Variants in TMEM132C observed in about 807,000 individuals in gnomAD.
TMEM132C encodes transmembrane protein 132C, also known as protein phosphatase 1, regulatory subunit 152.
A neutral mutation model predicts 61.4 loss-of-function variants in TMEM132C; 29 were observed. That is an observed-to-expected ratio of 0.47 (90% confidence interval 0.35 to 0.64). TMEM132C has a LOEUF of 0.64. Ranked by LOEUF, TMEM132C falls within the 30% of genes least tolerant of loss-of-function variation. The pLI is 0.00. For missense variants in TMEM132C, 1,408 were observed against 1,476.9 expected (o/e 0.95, Z 0.76); for synonymous variants, 656 against 633.1 (o/e 1.04, Z -0.54).
At chr12:128,271,272 TAATAATAATA>T (rs1566037276) in intron 1 of TMEM132C, among the ~76,000 whole-genome samples, 1,016 of 31,924 alleles carry the variant, frequency 0.032, 14 homozygotes, top group African/African-American at 0.2. Flanking sequence ...AATAATATAA[TAATAATAATA>T]ATAATAATAA....
At chr12:128,575,415 G>T (rs1249811577) in intron 3 of TMEM132C, among the ~76,000 whole-genome samples, 1 of 152,060 alleles carries the variant, frequency 6.6e-6, no homozygotes, top group Non-Finnish European at 1.5e-5. Context: ...GGAGGTGGAG[G>T]TTGCAGTGGG....
At chr12:128,283,542 C>G (rs1870964361) in intron 1 of TMEM132C, among the ~76,000 whole-genome samples, 2 of 152,092 alleles carry the variant, frequency 1.3e-5, no homozygotes, top group South Asian at 2.1e-4. Context: ...CTCTCTCTCT[C>G]TCTCCCTCTG....
At chr12:128,544,677 C>G (rs1244646826) in intron 3 of TMEM132C, among the ~76,000 whole-genome samples, 7 of 152,206 alleles carry the variant, frequency 4.6e-5, no homozygotes, top group Admixed American at 2.6e-4. Flanking sequence ...CCTTCCTACT[C>G]AAGGGTAACC....
intron 2 of TMEM132C, among the ~76,000 whole-genome samples, chr12:128,465,110 T>C (rs73440667): frequency 1.3e-5 from 2 of 152,088 alleles, no homozygotes; most frequent in African/African-American, 4.8e-5. Context: ...CAGAGTTCTG[T>C]GTCTTCTGTC....
At chr12:128,647,540 G>A (rs1954217526) in intron 4 of TMEM132C, among the ~76,000 whole-genome samples, 2 of 152,000 alleles carry the variant, frequency 1.3e-5, no homozygotes, top group Admixed American at 1.3e-4. Context: ...GGGTCCATCA[G>A]CGTTTGATGT....
At chr12:128,614,131 C>T (rs1331707704) in intron 3 of TMEM132C, among the ~76,000 whole-genome samples, 1 of 152,206 alleles carries the variant, frequency 6.6e-6, no homozygotes, top group Non-Finnish European at 1.5e-5. Flanking sequence ...CCATGCTCTT[C>T]CTTCTTGTTT....
chr12:128,650,021 TG>T (rs1268883888), intron 4 of TMEM132C, among the ~76,000 whole-genome samples: 2 of 152,184 alleles, frequency 1.3e-5, no homozygotes, highest in Non-Finnish European at 2.9e-5. Context: ...CCAGCAGAGC[TG>T]TTAGCTATGT....
intron 4 of TMEM132C, among the ~76,000 whole-genome samples, chr12:128,640,657 A>G (rs1954150809): frequency 6.6e-6 from 1 of 152,242 alleles, no homozygotes; most frequent in Non-Finnish European, 1.5e-5. Context: ...ACACTTTGGG[A>G]GGCGGAGGCG....
At chr12:128,530,462 T>A (rs1258548533) in intron 2 of TMEM132C, among the ~76,000 whole-genome samples, 1 of 151,588 alleles carries the variant, frequency 6.6e-6, no homozygotes, top group Non-Finnish European at 1.5e-5. Flanking sequence ...TTTTTTTTTT[T>A]AAACGGAGTC....
chr12:128,638,575 CATTG>C (rs1954120167), intron 4 of TMEM132C, among the ~76,000 whole-genome samples: 1 of 152,148 alleles, frequency 6.6e-6, no homozygotes, highest in African/African-American at 2.4e-5. Flanking sequence ...CGGGTGAGGG[CATTG>C]AGGCCTGAAG....
intron 4 of TMEM132C, among the ~76,000 whole-genome samples, chr12:128,636,958 G>A (rs1447655594): frequency 6.6e-6 from 1 of 152,036 alleles, no homozygotes; most frequent in African/African-American, 2.4e-5. Context: ...TTATGACTGA[G>A]TAATATTCTA....
intron 3 of TMEM132C, among the ~76,000 whole-genome samples, chr12:128,595,336 C>T (rs1477229064): frequency 6.6e-6 from 1 of 152,158 alleles, no homozygotes; most frequent in Admixed American, 6.5e-5. Context: ...AGGATTTTGT[C>T]ATCTGAAGCG....
intron 1 of TMEM132C, among the ~76,000 whole-genome samples, chr12:128,335,950 A>G (rs888467652): frequency 6.6e-6 from 1 of 152,208 alleles, no homozygotes; most frequent in African/African-American, 2.4e-5. Context: ...TAAAGATCTA[A>G]TCCTTAATTA....
At chr12:128,506,298 A>T (rs184842669) in intron 2 of TMEM132C, among the ~76,000 whole-genome samples, 2 of 152,338 alleles carry the variant, frequency 1.3e-5, no homozygotes, top group African/African-American at 4.8e-5. Flanking sequence ...TCCAGTGAGC[A>T]TCTCAAAGAA....
Position 128,705,935 on chromosome 12 carries a change from G to T in TMEM132C, c.2967G>T (p.Pro989=). 6.4e-7 allele frequency: 1 copy of T among 1,551,284 alleles called. No individual in the cohort carries two copies. The highest frequency in any genetic ancestry group is 8.7e-7 in the Non-Finnish European group (1 of 1,146,930). The change falls in exon 9 of 9, where the codon CCG becomes CCT. Residue 989 remains proline (P), a synonymous_variant. Coordinates refer to ENST00000435159, the MANE Select transcript of TMEM132C (RefSeq NM_001136103.3). ...TGGAGAGCATGGGGGATGCGCCGCCGCCCCAGGACGAGCACACCACCATCA... is the reference window on the plus strand; with the variant it reads ...TGGAGAGCATGGGGGATGCGCCGCCTCCCCAGGACGAGCACACCACCATCA... The part of the protein sequence containing the change: ...ELLESMGDAP[P]PQDEHTTIID...
chr12:128,289,993 T>G (rs975926255), intron 1 of TMEM132C, among the ~76,000 whole-genome samples: 1 of 152,146 alleles, frequency 6.6e-6, no homozygotes, highest in Non-Finnish European at 1.5e-5. Context: ...TTTCTTTCCT[T>G]GATGGAACCT....
At chr12:128,353,426 C>T (rs1292965244) in intron 1 of TMEM132C, among the ~76,000 whole-genome samples, 1 of 152,142 alleles carries the variant, frequency 6.6e-6, no homozygotes, top group Non-Finnish European at 1.5e-5. Flanking sequence ...TCTGCGACTC[C>T]TTCAATTTCT....
At position 128,415,175 on chromosome 12, in the gene TMEM132C, G is replaced by T; in HGVS notation, c.529G>T (p.Glu177Ter). ...ATGCCTGAGGGTCTTTGCTTTCCGA[G>T]AAACCAGAGAGGTGCGGGGCAGCTG... ...LPCLRVFAFR[E>*]TREVRGSCRL... Residue 177 changes from glutamate (E) to a stop codon, truncating the protein, a stop_gained, in exon 2 of 9, where the codon GAA becomes TAA. Coordinates refer to ENST00000435159, the MANE Select transcript of TMEM132C (RefSeq NM_001136103.3). LOFTEE classifies it high-confidence loss of function. The surrounding 1 kb of genome is among the most constrained non-coding windows in gnomAD (Gnocchi z 5.8). 3.7e-6 allele frequency: 6 copies of T among 1,610,956 alleles called. 1 individual carries two copies. The highest frequency in any genetic ancestry group is 2.2e-5 in the South Asian group (2 of 90,414).
chr12:128,535,901 G>C (rs1793848122), intron 2 of TMEM132C, among the ~76,000 whole-genome samples: 1 of 151,896 alleles, frequency 6.6e-6, no homozygotes, highest in Admixed American at 6.6e-5. Flanking sequence ...ACAGATACTG[G>C]AAAGGATGTG....
Sources: allele counts gnomAD v4.1 joint callset (sites outside exome capture counted in the v4.1 genomes callset), GRCh38; gene constraint gnomAD v4.1.1; non-coding constraint Gnocchi (gnomAD v3.1); transcripts MANE v1.5; gene names NCBI Gene and HGNC (gene_info 2026-07-23, HGNC 2026-07-21).